ANO2: variants seen among roughly 807,000 people sequenced by gnomAD.
ANO2 encodes the protein anoctamin 2.
ANO2 carries 101 observed loss-of-function variants against 124.2 expected under a neutral mutation model. The ratio of observed to expected loss-of-function variants is 0.81; its 90% confidence interval spans 0.69 to 0.96. The LOEUF (loss-of-function observed/expected upper bound fraction) is 0.96, where lower values mean the gene tolerates loss of function less well. ANO2 is among the 40% of genes least tolerant of loss of function. The pLI, the probability that ANO2 is intolerant of heterozygous loss-of-function variation, is 0.00. For missense variants in ANO2, 1,293 were observed against 1,274.5 expected, an observed-to-expected ratio of 1.01 and a Z score of -0.22; for synonymous variants, 486 against 482.5, an observed-to-expected ratio of 1.01 and a Z score of -0.09.
intron 14 of ANO2, among the ~76,000 whole-genome samples, chr12:5,704,032 A>C (rs899962233): frequency 3.3e-5 from 5 of 152,160 alleles, no homozygotes; most frequent in African/African-American, 4.8e-5. Context: ...ACTACAATAG[A>C]AGATTACTTA....
intron 14 of ANO2, among the ~76,000 whole-genome samples, chr12:5,678,482 G>A (rs1308164630): frequency 6.6e-6 from 1 of 152,146 alleles, no homozygotes; most frequent in Non-Finnish European, 1.5e-5. Context: ...CCAGAGGAAA[G>A]ATGGACACAT....
At chr12:5,945,271 T>A, upstream of ANO2, 2 of 1,262,794 alleles carry the variant, frequency 1.6e-6, no homozygotes, top group Non-Finnish European at 2.1e-6. Context: ...GGCAGGCTTA[T>A]GCCGCCGCGG....
At chr12:5,926,500 C>T (rs546612608) in intron 1 of ANO2, among the ~76,000 whole-genome samples, 34 of 152,282 alleles carry the variant, frequency 2.2e-4, no homozygotes, top group African/African-American at 7.5e-4. Flanking sequence ...CCTGGGGTCC[C>T]GCCATACACC....
chr12:5,799,967 G>C (rs988847362), intron 9 of ANO2, among the ~76,000 whole-genome samples: 5 of 152,224 alleles, frequency 3.3e-5, no homozygotes, highest in African/African-American at 1.2e-4. Flanking sequence ...TTACACCCTG[G>C]TGTGGAGAGA....
chr12:5,827,967 C>T (rs1954031134), intron 6 of ANO2, 147 bp from the exon 7 acceptor site: 1 of 796,000 alleles, frequency 1.3e-6, no homozygotes, highest in Non-Finnish European at 2.0e-6. Context: ...TGGCTCATGG[C>T]CCGCACATCA....
At chr12:5,930,316 G>T (rs1022973625) in intron 1 of ANO2, among the ~76,000 whole-genome samples, 3 of 152,146 alleles carry the variant, frequency 2.0e-5, no homozygotes, top group African/African-American at 4.8e-5. Flanking sequence ...AATACTGCAC[G>T]TATATCATCC....
At chr12:5,718,239 CAAGCCTAAGT>C (rs1218865397) in intron 14 of ANO2, among the ~76,000 whole-genome samples, 1 of 152,218 alleles carries the variant, frequency 6.6e-6, no homozygotes, top group Non-Finnish European at 1.5e-5. Context: ...CAAACGTTAG[CAAGCCTAAGT>C]AAGGGGGAAA....
At chr12:5,907,386 T>C (rs1485628660) in intron 3 of ANO2, among the ~76,000 whole-genome samples, 1 of 152,248 alleles carries the variant, frequency 6.6e-6, no homozygotes, top group Admixed American at 6.5e-5. Context: ...TAAGTAGTGG[T>C]ATTCAAACTC....
intron 20 of ANO2, among the ~76,000 whole-genome samples, chr12:5,584,275 C>T (rs543536577): frequency 1.3e-4 from 20 of 152,240 alleles, no homozygotes; most frequent in Non-Finnish European, 2.9e-4. Flanking sequence ...CTCCTGTGTG[C>T]ACCAACCTTC....
intron 2 of ANO2, among the ~76,000 whole-genome samples, chr12:5,922,348 G>A (rs567356217): frequency 6.6e-5 from 10 of 152,334 alleles, no homozygotes; most frequent in African/African-American, 2.4e-4. Context: ...CAGGCTTGCA[G>A]GAGGGGAACC....
intron 1 of ANO2, among the ~76,000 whole-genome samples, chr12:5,936,379 C>T (rs906558741): frequency 6.6e-6 from 1 of 152,124 alleles, no homozygotes; most frequent in African/African-American, 2.4e-5. Context: ...AGAAGTGGGT[C>T]CCTCTGGGAA....
intron 3 of ANO2, among the ~76,000 whole-genome samples, chr12:5,864,232 C>T (rs1000996236): frequency 6.6e-6 from 1 of 152,196 alleles, no homozygotes; most frequent in Non-Finnish European, 1.5e-5. Context: ...GTGAACATTT[C>T]TCTTGGGAGT....
At chr12:5,799,359 C>A (rs1565678066) in intron 10 of ANO2, 148 bp downstream of exon 10, 2 of 704,302 alleles carry the variant, frequency 2.8e-6, no homozygotes, top group African/African-American at 3.6e-5. Flanking sequence ...GCTTCCCCAC[C>A]CATGAGACAC....
chr12:5,799,605 T>G, intron 9 of ANO2, 34 bp from the exon 10 acceptor site: 1 of 1,595,780 alleles, frequency 6.3e-7, no homozygotes, highest in Middle Eastern at 1.7e-4. Context: ...AGGTTAGAGG[T>G]AGAGATGGGA....
intron 7 of ANO2, among the ~76,000 whole-genome samples, chr12:5,816,644 C>T (rs375867811): frequency 2.6e-5 from 4 of 152,196 alleles, no homozygotes; most frequent in Non-Finnish European, 4.4e-5. Flanking sequence ...GGGCAAGTCA[C>T]GTATCCTCTT....
intron 10 of ANO2, among the ~76,000 whole-genome samples, chr12:5,765,238 G>A (rs981674703): frequency 1.3e-5 from 2 of 152,160 alleles, no homozygotes; most frequent in Non-Finnish European, 2.9e-5. Flanking sequence ...GATTGAAGCC[G>A]ACCAGGCATA....
chr12:5,770,811 G>A (rs761385847), intron 10 of ANO2, among the ~76,000 whole-genome samples: 1 of 152,074 alleles, frequency 6.6e-6, no homozygotes, highest in Non-Finnish European at 1.5e-5. Flanking sequence ...CCCCTCTTTG[G>A]CTCTGCTCCA....
chr12:5,620,217 T>C (rs1249386605), intron 16 of ANO2, among the ~76,000 whole-genome samples: 1 of 152,252 alleles, frequency 6.6e-6, no homozygotes, highest in Admixed American at 6.5e-5. Context: ...GAGAGGAAAT[T>C]TCTAAGCTGT....
intron 14 of ANO2, among the ~76,000 whole-genome samples, chr12:5,708,404 G>A (rs962334944): frequency 6.6e-6 from 1 of 152,186 alleles, no homozygotes; most frequent in Non-Finnish European, 1.5e-5. Flanking sequence ...GGGCTACCAA[G>A]CTCTGCATCT....
Sources: gnomAD v4.1 joint callset for allele counts (sites outside exome capture counted in the v4.1 genomes callset) on GRCh38, gnomAD v4.1.1 for gene constraint, MANE v1.5 for transcripts, NCBI Gene and HGNC (gene_info 2026-07-23, HGNC 2026-07-21) for gene names.